Variants in SERGEF observed in about 807,000 individuals in gnomAD.
SERGEF encodes secretion regulating guanine nucleotide exchange factor, also known as secretion-regulating guanine nucleotide exchange factor.
In SERGEF, 51 loss-of-function variants were observed where a neutral mutation model predicts 50.0. That is an observed-to-expected ratio of 1.02 (90% CI 0.81 to 1.29). The LOEUF (loss-of-function observed/expected upper bound fraction) is 1.29. Ranked by LOEUF, SERGEF falls within the 50% of genes most tolerant of loss-of-function variation. The pLI is 0.00. For missense variants in SERGEF, 521 were observed against 557.0 expected (o/e 0.94, Z 0.65); for synonymous variants, 205 against 212.4 (o/e 0.97, Z 0.30).
At chr11:17,812,326 T>C (rs973942997) in intron 10 of SERGEF, among the ~76,000 whole-genome samples, 3 of 152,150 alleles carry the variant, frequency 2.0e-5, no homozygotes, top group African/African-American at 7.2e-5. Context: ...CCTGCCCATT[T>C]CTCTGCCAGG....
At chr11:17,975,292 A>G (rs1271123208) in intron 8 of SERGEF, among the ~76,000 whole-genome samples, 1 of 152,198 alleles carries the variant, frequency 6.6e-6, no homozygotes, top group Non-Finnish European at 1.5e-5. Flanking sequence ...TGGATTAAAC[A>G]AATGTTTGTA....
At chr11:17,789,920 G>A (rs768666231) in intron 10 of SERGEF, among the ~76,000 whole-genome samples, 22 of 152,220 alleles carry the variant, frequency 1.4e-4, no homozygotes, top group Non-Finnish European at 2.9e-4. Context: ...AGGAGGCAGA[G>A]GTTGCAGTGA....
intron 9 of SERGEF, among the ~76,000 whole-genome samples, chr11:17,955,505 A>G (rs1225429247): frequency 6.6e-6 from 1 of 152,210 alleles, no homozygotes; most frequent in African/African-American, 2.4e-5. Context: ...ACAGCACACA[A>G]ACAGCCAGTG....
intron 10 of SERGEF, among the ~76,000 whole-genome samples, chr11:17,845,431 G>A (rs1850589671): frequency 6.6e-6 from 1 of 151,970 alleles, no homozygotes; most frequent in South Asian, 2.1e-4. Context: ...TTCCAAACAG[G>A]GGCACAGCAG....
chr11:17,934,810 A>T (rs567341641), intron 9 of SERGEF, among the ~76,000 whole-genome samples: 2 of 152,356 alleles, frequency 1.3e-5, no homozygotes, highest in South Asian at 4.1e-4. Context: ...TATTTGAAGA[A>T]AGAAAACTTC....
At chr11:17,845,552 C>T (rs1303964931) in intron 10 of SERGEF, among the ~76,000 whole-genome samples, 1 of 152,218 alleles carries the variant, frequency 6.6e-6, no homozygotes, top group African/African-American at 2.4e-5. Context: ...AGGCAAGACA[C>T]ACCCTTCTTT....
chr11:17,822,153 G>A (rs1356984867), intron 10 of SERGEF, among the ~76,000 whole-genome samples: 1 of 152,108 alleles, frequency 6.6e-6, no homozygotes, highest in Non-Finnish European at 1.5e-5. Flanking sequence ...TGGGCCTCTG[G>A]GACTTGAGCA....
At chr11:17,880,453 G>GA (rs34687422) in intron 9 of SERGEF, among the ~76,000 whole-genome samples, 6 of 152,006 alleles carry the variant, frequency 3.9e-5, no homozygotes, top group Admixed American at 3.9e-4. Context: ...TGCAGCCTCG[G>GA]AAAATGATGC....
At chr11:17,823,991 G>A (rs934914332) in intron 10 of SERGEF, among the ~76,000 whole-genome samples, 3 of 152,046 alleles carry the variant, frequency 2.0e-5, no homozygotes, top group Non-Finnish European at 4.4e-5. Flanking sequence ...TACCACTTCA[G>A]GGAAAGTGCC....
At chr11:17,889,453 A>G (rs548218895) in intron 9 of SERGEF, among the ~76,000 whole-genome samples, 15 of 152,342 alleles carry the variant, frequency 9.8e-5, no homozygotes, top group African/African-American at 3.4e-4. Flanking sequence ...ATGAGGAAAA[A>G]TCAGATAAAA....
chr11:17,981,446 T>C (rs1853493469), intron 8 of SERGEF, among the ~76,000 whole-genome samples: 1 of 152,232 alleles, frequency 6.6e-6, no homozygotes. Context: ...GGAATTAGAA[T>C]AGCAGGCTTG....
intron 10 of SERGEF, 22 bp from the exon 11 acceptor site, chr11:17,788,435 G>A: frequency 6.3e-7 from 1 of 1,575,462 alleles, no homozygotes; most frequent in Non-Finnish European, 8.7e-7. Context: ...AGGGAAGACT[G>A]CTGTAGAAGA....
At chr11:17,981,862 G>A (rs551495064) in intron 8 of SERGEF, among the ~76,000 whole-genome samples, 8 of 152,070 alleles carry the variant, frequency 5.3e-5, no homozygotes, top group South Asian at 4.2e-4. Flanking sequence ...CTGCAGTGGC[G>A]CAACCTTAGC....
At chr11:17,937,026 C>T (rs1852463870) in intron 9 of SERGEF, among the ~76,000 whole-genome samples, 1 of 152,026 alleles carries the variant, frequency 6.6e-6, no homozygotes, top group African/African-American at 2.4e-5. Context: ...AACCTGGGAA[C>T]AACCTAAATT....
chr11:17,969,511 G>T lies in SERGEF; in HGVS notation c.845-9875C>A, dbSNP rs140581307. Among the ~76,000 whole-genome samples, 914 of 152,244 alleles carry T rather than the reference G, an allele frequency of 6.0e-3. 15 individuals are homozygous for T. The highest frequency in any genetic ancestry group is 0.02 in the African/African-American group (850 of 41,524). Reference sequence around the variant, plus strand: ...CTACAGAAAAGCTAGTAGTAGGCTGGGGGGTGAGGAGTGTGGGTGGAGGGG... The same window carrying T: ...CTACAGAAAAGCTAGTAGTAGGCTGTGGGGTGAGGAGTGTGGGTGGAGGGG... On this transcript the variant is annotated intron_variant, in intron 8 of 10. Transcript: ENST00000265965.
intron 8 of SERGEF, among the ~76,000 whole-genome samples, chr11:17,960,485 C>T (rs1852974110): frequency 6.6e-6 from 1 of 152,184 alleles, no homozygotes; most frequent in Non-Finnish European, 1.5e-5. Context: ...AACAGATTCT[C>T]TGCAATAAAT....
chr11:17,789,279 T>C (rs1849439210), intron 10 of SERGEF, among the ~76,000 whole-genome samples: 1 of 152,222 alleles, frequency 6.6e-6, no homozygotes, highest in Non-Finnish European at 1.5e-5. Flanking sequence ...TGAGGGATGA[T>C]TTGTGTGGTG....
intron 9 of SERGEF, among the ~76,000 whole-genome samples, chr11:17,912,657 C>G (rs776641768): frequency 6.6e-6 from 1 of 152,158 alleles, no homozygotes; most frequent in African/African-American, 2.4e-5. Context: ...ATGCTATATT[C>G]CCATTTTATA....
intron 10 of SERGEF, among the ~76,000 whole-genome samples, chr11:17,823,639 C>T (rs1401659789): frequency 2.6e-5 from 4 of 152,144 alleles, no homozygotes; most frequent in Non-Finnish European, 4.4e-5. Context: ...TAGTGCCCTA[C>T]AGTCAAGCAC....
Sources: gnomAD v4.1 joint callset for allele counts (sites outside exome capture counted in the v4.1 genomes callset) on GRCh38, gnomAD v4.1.1 for gene constraint, MANE v1.5 for transcripts, NCBI Gene and HGNC (gene_info 2026-07-23, HGNC 2026-07-21) for gene names.